Variants in DCDC2 observed in about 807,000 individuals in gnomAD.
The protein encoded by DCDC2 is doublecortin domain containing 2, also known as doublecortin domain-containing protein 2.
In DCDC2, 40 loss-of-function variants were observed where a neutral mutation model predicts 50.2. That is an observed-to-expected ratio of 0.80 (90% confidence interval 0.62 to 1.04). The LOEUF is 1.04. DCDC2 is among the 50% of genes least tolerant of loss of function. The pLI is 0.00. For missense variants in DCDC2, 570 were observed against 581.9 expected (o/e 0.98, Z 0.21); for synonymous variants, 234 against 210.6 (o/e 1.11, Z -0.96).
chr6:24,273,860 G>A (rs1021143753), intron 7 of DCDC2, among the ~76,000 whole-genome samples: 2 of 152,188 alleles, frequency 1.3e-5, no homozygotes, highest in African/African-American at 4.8e-5. Context: ...ACCCAACAAG[G>A]TCATAATATT....
rs751309708 is a variant in DCDC2 at position 24,297,284 on chromosome 6, G to A, written c.557+4431C>T. Among the ~76,000 whole-genome samples, 3 of 151,856 alleles carry A rather than the reference G, an allele frequency of 2.0e-5. No individual in the cohort carries two copies. The East Asian group carries it at 5.8e-4, about 29-fold the overall frequency. On this transcript the variant is annotated intron_variant, in intron 4 of 9. Coordinates refer to ENST00000378454, the MANE Select transcript of DCDC2 (RefSeq NM_016356.5). The stretch of plus-strand genomic sequence containing the variant: ...TGAGGACACATGCGCACAAAGAGAA[G>A]AACAACAGGCACTGGGGCCTACTTG...
chr6:24,234,512 T>G (rs1249463291), intron 7 of DCDC2, among the ~76,000 whole-genome samples: 5 of 152,080 alleles, frequency 3.3e-5, no homozygotes, highest in Non-Finnish European at 4.4e-5. Flanking sequence ...AAAGGGCACC[T>G]GTTAGGAGGT....
chr6:24,259,292 G>C (rs1359400038), intron 7 of DCDC2, among the ~76,000 whole-genome samples: 1 of 152,136 alleles, frequency 6.6e-6, no homozygotes, highest in Non-Finnish European at 1.5e-5. Context: ...TCTATAAAGA[G>C]GCCGTTGAGA....
At chr6:24,220,585 A>T (rs544124597) in intron 7 of DCDC2, among the ~76,000 whole-genome samples, 1 of 152,336 alleles carries the variant, frequency 6.6e-6, no homozygotes, top group Non-Finnish European at 1.5e-5. Flanking sequence ...ATTTCATGAA[A>T]CAAATACAGT....
At chr6:24,197,960 T>C (rs1340980910) in intron 8 of DCDC2, among the ~76,000 whole-genome samples, 1 of 152,126 alleles carries the variant, frequency 6.6e-6, no homozygotes, top group Non-Finnish European at 1.5e-5. Context: ...ATTTCTTCCA[T>C]CATTTAGAGA....
chr6:24,187,372 G>GC (rs1453018809), intron 8 of DCDC2, among the ~76,000 whole-genome samples: 5 of 152,108 alleles, frequency 3.3e-5, no homozygotes, highest in Non-Finnish European at 7.4e-5. Context: ...CATCCAGGAT[G>GC]CCCTTCCTTC....
chr6:24,244,649 T>C (rs956181886), intron 7 of DCDC2, among the ~76,000 whole-genome samples: 1 of 152,204 alleles, frequency 6.6e-6, no homozygotes, highest in Non-Finnish European at 1.5e-5. Flanking sequence ...TTCCTCTCCA[T>C]TCCCCACCTT....
In DCDC2 at chr6:24,333,108, G is replaced by C. The variant is rs139132188; in HGVS notation, c.348+20461C>G. Among the ~76,000 whole-genome samples the C allele has an allele frequency of 4.6e-3, 705 of 152,256 alleles. 9 individuals carry two copies. The highest frequency in any genetic ancestry group is 0.014 in the African/African-American group (588 of 41,548). The stretch of plus-strand genomic sequence containing the variant: ...AAAAGGCAAAAAGAAGAATGAGGGA[G>C]AATGTTCCAAACTCAAGAGAACAGC... On this transcript the variant is annotated intron_variant, in intron 2 of 9. Coordinates refer to ENST00000378454, the MANE Select transcript of DCDC2 (RefSeq NM_016356.5).
chr6:24,357,423 C>CCTAAAT, intron 1 of DCDC2, 35 bp downstream of exon 1: 1 of 1,565,036 alleles, frequency 6.4e-7, no homozygotes, highest in Non-Finnish European at 8.7e-7. Context: ...CTATAGGGCA[C>CCTAAAT]CTAAATGGGT....
intron 7 of DCDC2, among the ~76,000 whole-genome samples, chr6:24,207,868 A>G (rs1291610700): frequency 6.6e-6 from 1 of 152,122 alleles, no homozygotes; most frequent in Non-Finnish European, 1.5e-5. Flanking sequence ...CTCTCTTCCA[A>G]AATTATCTCA....
chr6:24,327,198 T>C (rs1489120171), intron 2 of DCDC2, among the ~76,000 whole-genome samples: 1 of 149,538 alleles, frequency 6.7e-6, no homozygotes, highest in Non-Finnish European at 1.5e-5. Context: ...TCGTCACCAA[T>C]TCACAGTTAA....
chr6:24,328,583 C>G (rs1213730634), intron 2 of DCDC2, among the ~76,000 whole-genome samples: 1 of 152,132 alleles, frequency 6.6e-6, no homozygotes, highest in East Asian at 1.9e-4. Context: ...GTATATTGAT[C>G]AAACTAGTAG....
At chr6:24,359,705 T>C (rs1376735572), upstream of DCDC2, among the ~76,000 whole-genome samples, 4 of 149,452 alleles carry the variant, frequency 2.7e-5, no homozygotes, top group African/African-American at 9.9e-5. Flanking sequence ...GAGACCAACC[T>C]GAGCAGCACA....
chr6:24,332,903 A>C (rs545756233), intron 2 of DCDC2, among the ~76,000 whole-genome samples: 23 of 152,300 alleles, frequency 1.5e-4, no homozygotes, highest in Non-Finnish European at 3.1e-4. Context: ...TGGAGTTTAC[A>C]ATCTAGGAGG....
chr6:24,286,711 T>G (rs1763616932), intron 6 of DCDC2, among the ~76,000 whole-genome samples: 2 of 152,160 alleles, frequency 1.3e-5, no homozygotes, highest in African/African-American at 4.8e-5. Flanking sequence ...CTGATGATAC[T>G]TCCAACTCAA....
intron 2 of DCDC2, among the ~76,000 whole-genome samples, chr6:24,310,269 C>T (rs1759548647): frequency 6.6e-6 from 1 of 151,984 alleles, no homozygotes; most frequent in African/African-American, 2.4e-5. Flanking sequence ...GTAAGAAAAT[C>T]GAGCTCCAAA....
At chr6:24,175,558 G>T (rs1561877497) in intron 9 of DCDC2, among the ~76,000 whole-genome samples, 1 of 152,158 alleles carries the variant, frequency 6.6e-6, no homozygotes, top group Non-Finnish European at 1.5e-5. Context: ...CATGACTGAT[G>T]CTTTGAAGAA....
intron 2 of DCDC2, among the ~76,000 whole-genome samples, chr6:24,311,851 T>A (rs1759575095): frequency 6.6e-6 from 1 of 152,218 alleles, no homozygotes; most frequent in African/African-American, 2.4e-5. Flanking sequence ...ATTCTTCACA[T>A]GAGGCTAACA....
At chr6:24,205,364 C>T in intron 7 of DCDC2, 1 of 1,475,320 alleles carries the variant, frequency 6.8e-7, no homozygotes, top group Non-Finnish European at 9.0e-7. Flanking sequence ...CCTTTGGCTA[C>T]TGATTTACTA....
Sources: gnomAD v4.1 joint callset for allele counts (sites outside exome capture counted in the v4.1 genomes callset) on GRCh38, gnomAD v4.1.1 for gene constraint, MANE v1.5 for transcripts, NCBI Gene and HGNC (gene_info 2026-07-23, HGNC 2026-07-21) for gene names.